PLCE1: variants seen among roughly 807,000 people sequenced by gnomAD.
The protein encoded by PLCE1 is phospholipase C epsilon 1.
A neutral mutation model predicts 242.8 loss-of-function variants in PLCE1; 119 were observed. That is an observed-to-expected ratio of 0.49 (90% CI 0.42 to 0.57). The LOEUF (loss-of-function observed/expected upper bound fraction) is 0.57. PLCE1 is among the 20% of genes least tolerant of loss of function. PLCE1 has a pLI of 0.00. For missense variants in PLCE1, 2,441 were observed against 2,788.8 expected (o/e 0.88, Z 2.81); for synonymous variants, 945 against 1,017.4 (o/e 0.93, Z 1.35).
chr10:94,324,426 G>A lies in PLCE1; in HGVS notation c.6579G>A (p.Val2193=). 1 of 1,614,122 alleles carries A rather than the reference G, an allele frequency of 6.2e-7. No individual in the cohort carries two copies. Among genetic ancestry groups the A allele is most frequent in the Non-Finnish European group, 8.5e-7 (1 of 1,180,000 alleles). The stretch of plus-strand genomic sequence containing the variant: ...GCGACTATGTGCTTTTGGAAGAGGT[G>A]GTGAAAGACACTACCAACAAGAAGA... The part of the protein sequence containing the change: ...NPSDYVLLEE[V]VKDTTNKKTT... Residue 2193 remains valine, a synonymous_variant, in exon 31 of 33, where the codon GTG becomes GTA. Transcript: ENST00000371380.
At chr10:94,085,426 A>G (rs1019882674) in intron 2 of PLCE1, among the ~76,000 whole-genome samples, 1 of 152,144 alleles carries the variant, frequency 6.6e-6, no homozygotes, top group Non-Finnish European at 1.5e-5. Flanking sequence ...GAACTCCGGT[A>G]CTGACTTGAG....
intron 29 of PLCE1, among the ~76,000 whole-genome samples, chr10:94,317,780 ATGAC>A (rs1167981325): frequency 6.6e-5 from 10 of 152,272 alleles, no homozygotes; most frequent in African/African-American, 2.2e-4. Context: ...TAACTTAAGA[ATGAC>A]ATATAAGGTC....
intron 32 of PLCE1, among the ~76,000 whole-genome samples, chr10:94,327,278 A>G (rs555561366): frequency 3.9e-5 from 6 of 151,908 alleles, no homozygotes; most frequent in African/African-American, 1.4e-4. Context: ...GTAAAAGAAA[A>G]GAAGAGCTCA....
intron 2 of PLCE1, chr10:94,107,641 A>C (rs1357622297): frequency 6.6e-6 from 1 of 152,148 alleles, no homozygotes; most frequent in Non-Finnish European, 1.5e-5. Context: ...GTTTTAGACA[A>C]CTGCATGGTA....
intron 4 of PLCE1, among the ~76,000 whole-genome samples, chr10:94,207,311 T>C (rs1454930931): frequency 3.9e-5 from 6 of 152,182 alleles, no homozygotes; most frequent in African/African-American, 1.4e-4. Flanking sequence ...TGTGAGCAGA[T>C]ACTAAATTGA....
At chr10:94,030,181 A>G (rs566102643) in intron 1 of PLCE1, among the ~76,000 whole-genome samples, 2 of 152,238 alleles carry the variant, frequency 1.3e-5, no homozygotes, top group East Asian at 1.9e-4. Context: ...GTCTGCTGTC[A>G]TTCTTATCTT....
At chr10:94,291,578 T>C (rs1408376085) in intron 22 of PLCE1, among the ~76,000 whole-genome samples, 1 of 152,130 alleles carries the variant, frequency 6.6e-6, no homozygotes, top group African/African-American at 2.4e-5. Context: ...GGATTCCCTA[T>C]CTGTAAAAGG....
chr10:94,297,502 A>G (rs2052872743), intron 23 of PLCE1, among the ~76,000 whole-genome samples: 1 of 151,090 alleles, frequency 6.6e-6, no homozygotes, highest in South Asian at 2.1e-4. Context: ...CTAAAATGTG[A>G]CACAGAGACA....
chr10:94,045,965 T>TA (rs59988453), intron 2 of PLCE1, among the ~76,000 whole-genome samples: 56,454 of 149,042 alleles, frequency 0.38, 12,608 homozygotes, highest in African/African-American at 0.64. Context: ...CCAGGCGTGG[T>TA]AAAAAAAAAA....
In PLCE1 at chr10:94,246,167, T is replaced by C. The variant is rs199588346; in HGVS notation, c.2642T>C (p.Phe881Ser). ...DQDTHLSARC[F>S]LQLQPDNSTL... ...GACACACACCTCTCTGCCCGCTGCTTCCTCCAGCTTCAGCCCGACAATAGC... is the reference window on the plus strand; with the variant it reads ...GACACACACCTCTCTGCCCGCTGCTCCCTCCAGCTTCAGCCCGACAATAGC... Residue 881 changes from phenylalanine (F) to serine (S), a missense_variant, in exon 8 of 33, where the codon TTC becomes TCC. Coordinates refer to ENST00000371380, the MANE Select transcript of PLCE1 (RefSeq NM_016341.4). The C allele has an allele frequency of 6.2e-7, 1 of 1,614,088 alleles. No homozygotes were observed. Among genetic ancestry groups the C allele is most frequent in the Non-Finnish European group, 8.5e-7 (1 of 1,179,996 alleles).
At chr10:94,115,289 G>A in intron 2 of PLCE1, among the ~76,000 whole-genome samples, 1 of 152,160 alleles carries the variant, frequency 6.6e-6, no homozygotes, top group Admixed American at 6.5e-5. Context: ...ACCCAGTAAT[G>A]GGATGGCTGG....
intron 1 of PLCE1, among the ~76,000 whole-genome samples, chr10:94,030,431 G>C (rs1037579187): frequency 1.1e-4 from 17 of 150,400 alleles, no homozygotes; most frequent in Non-Finnish European, 1.2e-4. Context: ...GAAAACCACT[G>C]GGTTTTTTTC....
At chr10:94,177,872 G>T (rs1476297646) in intron 4 of PLCE1, among the ~76,000 whole-genome samples, 1 of 152,172 alleles carries the variant, frequency 6.6e-6, no homozygotes, top group Non-Finnish European at 1.5e-5. Context: ...AATCGAGATT[G>T]CAGGGCATCC....
At chr10:94,210,145 A>G (rs931625578) in intron 4 of PLCE1, among the ~76,000 whole-genome samples, 3 of 148,610 alleles carry the variant, frequency 2.0e-5, no homozygotes, top group Non-Finnish European at 4.5e-5. Flanking sequence ...TTTGTTTGTT[A>G]TTGGTATAAG....
chr10:94,042,039 T>C (rs1046998548), intron 2 of PLCE1, among the ~76,000 whole-genome samples: 3 of 152,206 alleles, frequency 2.0e-5, no homozygotes, highest in Non-Finnish European at 4.4e-5. Context: ...GCACTGTGTC[T>C]ATAATTTGCA....
At chr10:94,039,064 C>A (rs1220188950) in intron 2 of PLCE1, among the ~76,000 whole-genome samples, 1 of 152,182 alleles carries the variant, frequency 6.6e-6, no homozygotes, top group Non-Finnish European at 1.5e-5. Context: ...TAGCATGAAT[C>A]AATATTCATA....
At chr10:94,189,611 G>T (rs2048597263) in intron 4 of PLCE1, among the ~76,000 whole-genome samples, 1 of 152,180 alleles carries the variant, frequency 6.6e-6, no homozygotes, top group African/African-American at 2.4e-5. Flanking sequence ...GGAGAGAGTT[G>T]CAGTAAACAA....
At chr10:94,178,080 G>A (rs2048180101) in intron 4 of PLCE1, among the ~76,000 whole-genome samples, 1 of 152,102 alleles carries the variant, frequency 6.6e-6, no homozygotes, top group African/African-American at 2.4e-5. Flanking sequence ...ATCTACAGCT[G>A]GTCCTTGGGA....
At chr10:94,135,684 T>C (rs2046748623) in intron 3 of PLCE1, among the ~76,000 whole-genome samples, 1 of 152,048 alleles carries the variant, frequency 6.6e-6, no homozygotes, top group South Asian at 2.1e-4. Context: ...TCCCACGAAA[T>C]AAAGAGGAAA....
Sources: gnomAD v4.1 joint callset for allele counts (sites outside exome capture counted in the v4.1 genomes callset) on GRCh38, gnomAD v4.1.1 for gene constraint, MANE v1.5 for transcripts, NCBI Gene and HGNC (gene_info 2026-07-23, HGNC 2026-07-21) for gene names.